The following CD47 variants were observed in gnomAD, a reference collection of about 807,000 sequenced individuals.
The protein encoded by CD47 is CD47 molecule.
Under a neutral mutation model 44.6 loss-of-function variants are expected in CD47, and 11 were observed. The ratio of observed to expected loss-of-function variants is 0.25; its 90% CI spans 0.16 to 0.41. The LOEUF (loss-of-function observed/expected upper bound fraction) is 0.41, where lower values mean the gene tolerates loss of function less well. CD47 is among the 10% of genes least tolerant of loss of function. The pLI is 1.00. For missense variants in CD47, 306 were observed against 386.7 expected (o/e 0.79, Z 1.75); for synonymous variants, 140 against 136.3 (o/e 1.03, Z -0.19).
At chr3:108,081,332 C>T (rs1040541400) in intron 1 of CD47, among the ~76,000 whole-genome samples, 3 of 151,996 alleles carry the variant, frequency 2.0e-5, no homozygotes, top group African/African-American at 7.2e-5. Flanking sequence ...ACTCTTTTAC[C>T]TAAGTAGCTA....
chr3:108,053,208 C>G (rs939345190), intron 7 of CD47: 21 of 152,284 alleles, frequency 1.4e-4, no homozygotes, highest in African/African-American at 4.8e-4. Flanking sequence ...ACTGCACACT[C>G]GAATTCTGTC....
At chr3:108,058,593 C>A (rs2078957956) in intron 5 of CD47, among the ~76,000 whole-genome samples, 164 bp from the exon 6 acceptor site, 1 of 152,236 alleles carries the variant, frequency 6.6e-6, no homozygotes. Flanking sequence ...CCCTTCCACA[C>A]AAGTAGTCAG....
At chr3:108,072,008 A>C (rs1213720974) in intron 2 of CD47, among the ~76,000 whole-genome samples, 1 of 152,238 alleles carries the variant, frequency 6.6e-6, no homozygotes, top group African/African-American at 2.4e-5. Context: ...TACTTTTATC[A>C]TAAAAATATA....
At chr3:108,049,737 G>A in intron 9 of CD47, 86 bp from the exon 10 acceptor site, 2 of 892,304 alleles carry the variant, frequency 2.2e-6, no homozygotes, top group Non-Finnish European at 3.8e-6. Flanking sequence ...GCAATGATAT[G>A]CTAACTAGTC....
At chr3:108,084,576 T>C (rs111491452) in intron 1 of CD47, among the ~76,000 whole-genome samples, 1,547 of 152,212 alleles carry the variant, frequency 0.01, 16 homozygotes, top group African/African-American at 0.035. Flanking sequence ...TCTTCTAAAC[T>C]GCAGATGTTG....
At chr3:108,085,862 C>G (rs759914021) in intron 1 of CD47, among the ~76,000 whole-genome samples, 1 of 152,204 alleles carries the variant, frequency 6.6e-6, no homozygotes, top group Middle Eastern at 3.4e-3. Flanking sequence ...AGAGAACCTG[C>G]CACTGCTTCT....
At chr3:108,087,098 A>G (rs181055358) in intron 1 of CD47, among the ~76,000 whole-genome samples, 67 of 152,282 alleles carry the variant, frequency 4.4e-4, no homozygotes, top group Middle Eastern at 6.8e-3. Flanking sequence ...GAATGGAGTA[A>G]GAAGTCTCAG....
intron 1 of CD47, among the ~76,000 whole-genome samples, chr3:108,087,003 G>A (rs2079534086): frequency 1.3e-5 from 2 of 152,244 alleles, no homozygotes; most frequent in East Asian, 1.9e-4. Context: ...AATGGTGGGA[G>A]GGAAGCAGAG....
intron 7 of CD47, among the ~76,000 whole-genome samples, chr3:108,056,319 G>A (rs59354664): frequency 0.038 from 5,755 of 152,202 alleles, 129 homozygotes; most frequent in African/African-American, 0.064. Context: ...CTAAGGATAC[G>A]CAGATTTTAG....
chr3:108,068,699 T>C (rs2079146397), intron 3 of CD47, among the ~76,000 whole-genome samples: 2 of 152,194 alleles, frequency 1.3e-5, no homozygotes, highest in South Asian at 2.1e-4. Flanking sequence ...ACAGTGTCTA[T>C]GCCCATAGAG....
chr3:108,043,091 T>C lies in CD47; in HGVS notation c.*4197A>G, dbSNP rs1264257031. On this transcript the variant is annotated 3_prime_UTR_variant, in exon 11 of 11. Transcript: ENST00000361309. ...AATTAAAAAATAATTATGAAACACATTGGACTGATTTAAAACTTTTAATTA... is the reference window on the plus strand; with the variant it reads ...AATTAAAAAATAATTATGAAACACACTGGACTGATTTAAAACTTTTAATTA... 3.9e-5 allele frequency: 6 copies of C among 152,522 alleles called. No homozygotes were observed. The highest frequency in any genetic ancestry group is 4.4e-5 in the Non-Finnish European group (3 of 68,044). 9.4% of individuals were successfully genotyped at this position (152,522 alleles called of 1,614,324 possible). A position where few individuals can be genotyped will look rare whatever the true frequency, so the allele number is the denominator to read the frequency against.
Position 108,047,355 on chromosome 3 carries a change from T to G in CD47, c.968-63A>C, listed in dbSNP as rs925394154. The stretch of plus-strand genomic sequence containing the variant: ...TGTCTATTTTCTATCCATTAAAAAG[T>G]TGACACATTAAAAAAAGTTTCAGAT... On this transcript the variant is annotated intron_variant, in intron 10 of 10. Transcript: ENST00000361309. 1.1e-5 allele frequency: 15 copies of G among 1,360,678 alleles called. No individual in the cohort carries two copies. In the East Asian group the frequency reaches 3.5e-4, roughly 32 times the overall value. 84.3% of individuals were successfully genotyped at this position (1,360,678 alleles called of 1,614,324 possible).
intron 8 of CD47, chr3:108,050,904 C>A: frequency 2.6e-6 from 1 of 382,066 alleles, no homozygotes; most frequent in South Asian, 2.1e-5. Flanking sequence ...AAAGTGCAAG[C>A]ATAAATAGCA....
chr3:108,076,353 A>C (rs1256229026), intron 2 of CD47, among the ~76,000 whole-genome samples: 2 of 152,228 alleles, frequency 1.3e-5, no homozygotes, highest in Admixed American at 1.3e-4. Context: ...CAAAACTCTA[A>C]TAGCTTAGAG....
chr3:108,052,316 T>G, intron 7 of CD47: 1 of 252,618 alleles, frequency 4.0e-6, no homozygotes, highest in African/African-American at 2.3e-5. Flanking sequence ...CTCCCTCCTC[T>G]ATCTACCCAG....
rs558943785 is a variant in CD47, at chr3:108,071,037, G to A, written c.490+56C>T. The A allele has an allele frequency of 7.3e-4, 542 of 745,936 alleles. 1 individual carries two copies. The African/African-American group carries it at 8.1e-3, about 11-fold the overall frequency. 46.2% of individuals were successfully genotyped at this position (745,936 alleles called of 1,614,324 possible). On this transcript the variant is annotated intron_variant, in intron 3 of 10. Coordinates refer to ENST00000361309, the MANE Select transcript of CD47 (RefSeq NM_001777.4). The stretch of plus-strand genomic sequence containing the variant: ...TTAAATATTTCGCTGACAATGTCTC[G>A]TAGAAATAACTATATCATCACTGAA...
chr3:108,070,600 C>T (rs2079182002), intron 3 of CD47, among the ~76,000 whole-genome samples: 1 of 152,186 alleles, frequency 6.6e-6, no homozygotes, highest in African/African-American at 2.4e-5. Context: ...GGCTGCAGAA[C>T]TGCACGCAGA....
intron 2 of CD47, 65 bp from the exon 3 acceptor site, chr3:108,071,247 G>T: frequency 1.4e-6 from 1 of 734,792 alleles, no homozygotes; most frequent in Non-Finnish European, 2.3e-6. Flanking sequence ...TCTGCTAATG[G>T]TCTATAATAC....
At chr3:108,059,866 GTTCC>G (rs1343894757) in intron 4 of CD47, among the ~76,000 whole-genome samples, 1 of 152,076 alleles carries the variant, frequency 6.6e-6, no homozygotes, top group Non-Finnish European at 1.5e-5. Flanking sequence ...CAAATCAATT[GTTCC>G]TTCAAGTTGT....
Sources: allele counts gnomAD v4.1 joint callset (sites outside exome capture counted in the v4.1 genomes callset), GRCh38; gene constraint gnomAD v4.1.1; transcripts MANE v1.5; gene names NCBI Gene and HGNC (gene_info 2026-07-23, HGNC 2026-07-21).